The following DOK5 variants were observed in gnomAD, a reference collection of about 807,000 sequenced individuals.
DOK5 encodes the protein docking protein 5.
In DOK5, 27 loss-of-function variants were observed where a neutral mutation model predicts 43.3. That is an observed-to-expected ratio of 0.62 (90% CI 0.46 to 0.86). The LOEUF (loss-of-function observed/expected upper bound fraction) is 0.86. Among genes scored for constraint, DOK5 ranks in the 40% least tolerant of loss-of-function variants. The pLI is 0.00. For missense variants in DOK5, 373 were observed against 392.9 expected (o/e 0.95, Z 0.43); for synonymous variants, 146 against 140.1 (o/e 1.04, Z -0.30).
chr20:54,588,075 G>A (rs1208027910), intron 2 of DOK5, among the ~76,000 whole-genome samples: 1 of 151,968 alleles, frequency 6.6e-6, no homozygotes, highest in Non-Finnish European at 1.5e-5. Flanking sequence ...TACTCTGAAG[G>A]GATGGAATAT....
chr20:54,565,015 T>A, intron 2 of DOK5, among the ~76,000 whole-genome samples: 1 of 152,210 alleles, frequency 6.6e-6, no homozygotes, highest in East Asian at 1.9e-4. Context: ...CCCCATTTTT[T>A]TTCTCTTCCT....
intron 2 of DOK5, among the ~76,000 whole-genome samples, chr20:54,574,180 A>G (rs796139362): frequency 2.0e-5 from 3 of 152,268 alleles, no homozygotes; most frequent in African/African-American, 7.2e-5. Context: ...AGGCCCAGCT[A>G]ATGATGGAAT....
At chr20:54,589,890 C>T (rs532845455) in intron 4 of DOK5, among the ~76,000 whole-genome samples, 32 of 152,180 alleles carry the variant, frequency 2.1e-4, no homozygotes, top group African/African-American at 7.5e-4. Flanking sequence ...TTCAGAGGAG[C>T]CTCTTTGTAG....
intron 7 of DOK5, among the ~76,000 whole-genome samples, chr20:54,645,083 C>A (rs1230909419): frequency 7.0e-6 from 1 of 142,024 alleles, no homozygotes; most frequent in Non-Finnish European, 1.5e-5. Context: ...TCTCGGCTCA[C>A]TGCAAGTTCC....
intron 7 of DOK5, among the ~76,000 whole-genome samples, chr20:54,644,723 A>AAAAAC (rs1555839841): frequency 2.8e-5 from 4 of 142,404 alleles, no homozygotes; most frequent in African/African-American, 8.6e-5. Flanking sequence ...AAAAAAAAAA[A>AAAAAC]ACAAAATTTA....
intron 2 of DOK5, among the ~76,000 whole-genome samples, chr20:54,556,252 C>T (rs1013726493): frequency 2.6e-5 from 4 of 152,174 alleles, no homozygotes; most frequent in African/African-American, 9.7e-5. Context: ...CCCAGCCTTT[C>T]TTCTCTCCAA....
chr20:54,490,186 A>C (rs1279037331), intron 1 of DOK5, among the ~76,000 whole-genome samples: 1 of 152,216 alleles, frequency 6.6e-6, no homozygotes, highest in African/African-American at 2.4e-5. Context: ...TACTGTCTTA[A>C]AACACACCTT....
intron 1 of DOK5, among the ~76,000 whole-genome samples, chr20:54,483,134 T>A (rs942820343): frequency 2.0e-5 from 3 of 152,222 alleles, no homozygotes; most frequent in Non-Finnish European, 2.9e-5. Flanking sequence ...AGCCTTTACA[T>A]CATCATCCCC....
intron 1 of DOK5, among the ~76,000 whole-genome samples, chr20:54,543,370 G>T (rs1217558605): frequency 1.3e-5 from 2 of 152,170 alleles, no homozygotes; most frequent in Non-Finnish European, 2.9e-5. Flanking sequence ...TACTAGACAG[G>T]ACATAATTTG....
chr20:54,602,962 C>T (rs532576670), intron 5 of DOK5, among the ~76,000 whole-genome samples: 14 of 152,316 alleles, frequency 9.2e-5, no homozygotes, highest in African/African-American at 3.1e-4. Context: ...TGAGCCACCG[C>T]GCCCAGACTT....
intron 5 of DOK5, among the ~76,000 whole-genome samples, chr20:54,607,198 G>A (rs997917691): frequency 7.9e-5 from 12 of 152,148 alleles, no homozygotes; most frequent in African/African-American, 1.2e-4. Context: ...CCTTGGACGC[G>A]TATTTCCCCA....
intron 1 of DOK5, among the ~76,000 whole-genome samples, chr20:54,506,509 G>A (rs141384861): frequency 4.9e-4 from 75 of 152,254 alleles, no homozygotes; most frequent in Admixed American, 9.8e-4. Flanking sequence ...CACCCAGGCT[G>A]GAGTTCAGTG....
intron 6 of DOK5, among the ~76,000 whole-genome samples, chr20:54,634,782 G>T (rs1343238683): frequency 6.6e-6 from 1 of 151,248 alleles, no homozygotes; most frequent in Non-Finnish European, 1.5e-5. Flanking sequence ...TTGGTAACAG[G>T]TTTATTGAGA....
chr20:54,582,284 T>C (rs373659162), intron 2 of DOK5, among the ~76,000 whole-genome samples: 19 of 152,052 alleles, frequency 1.2e-4, no homozygotes, highest in African/African-American at 4.1e-4. Flanking sequence ...GAAATTTGCA[T>C]GTATATTCAT....
chr20:54,640,963 T>G (rs895196438), intron 6 of DOK5, among the ~76,000 whole-genome samples: 8 of 152,208 alleles, frequency 5.3e-5, no homozygotes, highest in African/African-American at 1.7e-4. Context: ...ATAACCACTA[T>G]GAGAAGCTGA....
At chr20:54,553,913 A>AAG (rs1410342076) in intron 1 of DOK5, among the ~76,000 whole-genome samples, 1 of 151,336 alleles carries the variant, frequency 6.6e-6, no homozygotes, top group East Asian at 1.9e-4. Context: ...AAAAAAAAAA[A>AAG]AAATTATACT....
At chr20:54,598,774 C>T (rs1600726343) in intron 5 of DOK5, among the ~76,000 whole-genome samples, 1 of 152,208 alleles carries the variant, frequency 6.6e-6, no homozygotes, top group East Asian at 1.9e-4. Flanking sequence ...ATCCAAATTG[C>T]ATATACAAAT....
At chr20:54,583,064 G>C (rs767071559) in intron 2 of DOK5, among the ~76,000 whole-genome samples, 25 of 151,874 alleles carry the variant, frequency 1.6e-4, no homozygotes, top group Non-Finnish European at 3.4e-4. Flanking sequence ...GGTATGCTGT[G>C]TATTTGTTTT....
At chr20:54,554,891 G>C in intron 1 of DOK5, 42 bp from the exon 2 acceptor site, 1 of 1,254,112 alleles carries the variant, frequency 8.0e-7, no homozygotes, top group Admixed American at 1.7e-5. Flanking sequence ...GCAAATGTCA[G>C]TCAGGGGAGA....
Sources: allele counts gnomAD v4.1 joint callset (sites outside exome capture counted in the v4.1 genomes callset), GRCh38; gene constraint gnomAD v4.1.1; transcripts MANE v1.5; gene names NCBI Gene and HGNC (gene_info 2026-07-23, HGNC 2026-07-21).